Variants in GNRH2 observed in about 807,000 individuals in gnomAD.
GNRH2 encodes the protein gonadotropin releasing hormone 2.
Under a neutral mutation model 12.1 loss-of-function variants are expected in GNRH2, and 15 were observed. That is an observed-to-expected ratio of 1.24 (90% CI 0.83 to 1.90). GNRH2 has a LOEUF of 1.90. Among genes scored for constraint, GNRH2 ranks in the 40% most tolerant of loss-of-function variants. The pLI, the probability that GNRH2 is intolerant of heterozygous loss-of-function variation, is 0.00. For missense variants in GNRH2, 143 were observed against 141.4 expected (o/e 1.01, Z -0.06); for synonymous variants, 60 against 62.0 (o/e 0.97, Z 0.15).
chr20:3,045,195 A>G (rs2065975859), intron 3 of GNRH2, among the ~76,000 whole-genome samples: 2 of 151,298 alleles, frequency 1.3e-5, no homozygotes, highest in Non-Finnish European at 1.5e-5. Context: ...AGGCCAGTGG[A>G]AAGAGGTGAG....
rs2148555721 is a variant in GNRH2, at chr20:3,045,700, G to GCCCCC, written c.310_311insCCCCC (p.Arg104ProfsTer?). 5 of 1,541,764 alleles carry GCCCCC rather than the reference G, an allele frequency of 3.2e-6. No homozygotes were observed. Among genetic ancestry groups the GCCCCC allele is most frequent in the East Asian group, 2.4e-5 (1 of 41,648 alleles). ...TCCCTCCGCAGACCGCAGCCCGAGA[G>GCCCCC]CCCCGCCCCGCCCCGCCATCCTCCA... On this transcript the variant is annotated frameshift_variant, in exon 4 of 4. Transcript: ENST00000359100. LOFTEE classifies it low-confidence loss of function (END_TRUNC).
intron 3 of GNRH2, among the ~76,000 whole-genome samples, chr20:3,045,256 A>T (rs1015507197): frequency 6.6e-6 from 1 of 152,180 alleles, no homozygotes; most frequent in Non-Finnish European, 1.5e-5. Context: ...CCAGGTGGTG[A>T]CTGACATGTG....
At chr20:3,045,613 A>G in intron 3 of GNRH2, 73 bp from the exon 4 acceptor site, 1 of 1,302,344 alleles carries the variant, frequency 7.7e-7, no homozygotes, top group Non-Finnish European at 1.1e-6. Flanking sequence ...GAGGGGAGAG[A>G]ACCAGGAAGA....
intron 3 of GNRH2, among the ~76,000 whole-genome samples, chr20:3,045,418 G>A (rs923749837): frequency 2.6e-5 from 4 of 152,224 alleles, no homozygotes; most frequent in Admixed American, 1.3e-4. Context: ...GTTCCTATGA[G>A]GCAATGTCTT....
At chr20:3,044,986 C>G in intron 3 of GNRH2, 150 bp downstream of exon 3, 1 of 641,606 alleles carries the variant, frequency 1.6e-6, no homozygotes, top group Non-Finnish European at 2.8e-6. Flanking sequence ...TCTCAGTGCC[C>G]CTACTGCACA....
At position 3,044,514 on chromosome 20, in the gene GNRH2, G is replaced by A. The variant is rs753075236; in HGVS notation, c.100G>A (p.Gly34Arg). ...CTGGTCCCATGGCTGGTACCCTGGA[G>A]GAAAGCGAGCCCTCAGCTCAGCCCA... ...QHWSHGWYPG[G>R]KRALSSAQDP... Residue 34 changes from glycine (G) to arginine (R), a missense_variant, in exon 2 of 4, where the codon GGA (glycine) becomes AGA (arginine). Physicochemically the swap from Gly to Arg is moderately radical, Grantham distance 125. Transcript: ENST00000359100. 6.2e-7 allele frequency: 1 copy of A among 1,613,816 alleles called. No individual in the cohort carries two copies. The highest frequency in any genetic ancestry group is 1.7e-5 in the Admixed American group (1 of 60,028).
Position 3,044,531 on chromosome 20 carries a change from C to T in GNRH2, c.117C>T (p.Ser39=), listed in dbSNP as rs780815895. Residue 39 remains serine, a synonymous_variant, in exon 2 of 4, where the codon AGC becomes AGT. Transcript: ENST00000359100. ...ACCCTGGAGGAAAGCGAGCCCTCAG[C>T]TCAGCCCAGGATCCCCAGAATGCCC... is the stretch of plus-strand genomic sequence containing the variant. ...GWYPGGKRAL[S]SAQDPQNALR... 1.2e-6 allele frequency: 2 copies of T among 1,613,824 alleles called. No homozygotes were observed. The highest frequency in any genetic ancestry group is 1.7e-5 in the Admixed American group (1 of 60,026).
At chr20:3,045,302 A>G (rs928633515) in intron 3 of GNRH2, among the ~76,000 whole-genome samples, 9 of 152,210 alleles carry the variant, frequency 5.9e-5, no homozygotes, top group Non-Finnish European at 1.5e-5. Flanking sequence ...GAGCTCCCCA[A>G]GACCATAGCA....
At chr20:3,045,341 A>G (rs1007299797) in intron 3 of GNRH2, among the ~76,000 whole-genome samples, 1 of 152,196 alleles carries the variant, frequency 6.6e-6, no homozygotes, top group African/African-American at 2.4e-5. Context: ...ATGGTTTGCT[A>G]CTGTTTTGCA....
intron 1 of GNRH2, among the ~76,000 whole-genome samples, 164 bp downstream of exon 1, chr20:3,043,829 C>A (rs944822561): frequency 1.3e-5 from 2 of 152,132 alleles, no homozygotes; most frequent in African/African-American, 4.8e-5. Flanking sequence ...ACCATCTATT[C>A]TTGTGCTTGT....
Position 3,044,574 on chromosome 20 carries a change from T to C in GNRH2, c.154+6T>C. The C allele has an allele frequency of 1.2e-6, 2 of 1,613,418 alleles. No individual in the cohort carries two copies. Among genetic ancestry groups the C allele is most frequent in the East Asian group, 4.5e-5 (2 of 44,868 alleles). ...GAATGCCCTTAGGCCCCCAGGTGGG[T>C]GTCTCCCAGCCTCATGGGGAGGAAG... On this transcript the variant is annotated splice_donor_region_variant and intron_variant, in intron 2 of 3. Coordinates refer to ENST00000359100, the MANE Select transcript of GNRH2 (RefSeq NM_178331.2).
intron 1 of GNRH2, chr20:3,044,001 G>A (rs1190546847): frequency 1.6e-5 from 3 of 191,362 alleles, no homozygotes; most frequent in Non-Finnish European, 2.2e-5. Flanking sequence ...CTCCAAACAC[G>A]CCTACATTGA....
the GNRH2 span, chr20:3,044,792 C>T: frequency 4.3e-6 from 7 of 1,612,404 alleles, no homozygotes; most frequent in African/African-American, 2.7e-5. Flanking sequence ...GACCACGGCC[C>T]AGTGGTCCCT....
At chr20:3,044,215 C>T (rs1486685721) in intron 1 of GNRH2, 193 bp from the exon 2 acceptor site, 1 of 567,668 alleles carries the variant, frequency 1.8e-6, no homozygotes, top group Non-Finnish European at 3.2e-6. Flanking sequence ...GGAGCATCAT[C>T]CCCTGCTGGG....
At chr20:3,045,634 G>T in intron 3 of GNRH2, 52 bp from the exon 4 acceptor site, 1 of 1,483,454 alleles carries the variant, frequency 6.7e-7, no homozygotes, top group Non-Finnish European at 9.4e-7. Context: ...TGGCAGCTCG[G>T]CGGTTACGAG....
At position 3,044,776 on chromosome 20, in the gene GNRH2, G is replaced by A; in HGVS notation, c.231G>A (p.Glu77=). 1 of 1,612,812 alleles carries A rather than the reference G, an allele frequency of 6.2e-7. No homozygotes were observed. The highest frequency in any genetic ancestry group is 8.5e-7 in the Non-Finnish European group (1 of 1,179,544). The change falls in exon 3 of 4, where the codon GAG becomes GAA. Residue 77 remains glutamate (E), a synonymous_variant. Transcript: ENST00000359100. ...CCCTGGACGACAGCATGCCCTGGGAGGGCAGGACCACGGCCCAGTGGTCCC... is the reference window on the plus strand; with the variant it reads ...CCCTGGACGACAGCATGCCCTGGGAAGGCAGGACCACGGCCCAGTGGTCCC... ...LAPLDDSMPW[E]GRTTAQWSLH...
rs2065965777 is a variant in GNRH2 at position 3,044,497 on chromosome 20, A to G, written c.83A>G (p.His28Arg). The G allele has an allele frequency of 3.7e-6, 6 of 1,613,778 alleles. No homozygotes were observed. The highest frequency in any genetic ancestry group is 2.2e-5 in the East Asian group (1 of 44,872). The stretch of plus-strand genomic sequence containing the variant: ...CCCTCAGAGGCTCAGCACTGGTCCC[A>G]TGGCTGGTACCCTGGAGGAAAGCGA... ...LGPSEAQHWS[H>R]GWYPGGKRAL... Residue 28 changes from histidine to arginine, a missense_variant, in exon 2 of 4, where the codon CAT becomes CGT. By Grantham distance (29) the His-to-Arg change is conservative. Coordinates refer to ENST00000359100, the MANE Select transcript of GNRH2 (RefSeq NM_178331.2).
intron 3 of GNRH2, among the ~76,000 whole-genome samples, chr20:3,045,449 G>A (rs191375217): frequency 1.3e-5 from 2 of 152,316 alleles, no homozygotes; most frequent in East Asian, 3.9e-4. Context: ...TTGTGTGTAT[G>A]TGCTGAGGTT....
intron 3 of GNRH2, 111 bp from the exon 4 acceptor site, chr20:3,045,575 G>C (rs2065980386): frequency 1.1e-6 from 1 of 881,038 alleles, no homozygotes; most frequent in African/African-American, 1.6e-5. Flanking sequence ...CCTGCTGTGG[G>C]AGGCCACATG....
Sources: gnomAD v4.1 joint callset for allele counts (sites outside exome capture counted in the v4.1 genomes callset) on GRCh38, gnomAD v4.1.1 for gene constraint, MANE v1.5 for transcripts, NCBI Gene and HGNC (gene_info 2026-07-23, HGNC 2026-07-21) for gene names.